Variants in ACOT11 observed in about 807,000 individuals in gnomAD.
The protein encoded by ACOT11 is acyl-CoA thioesterase 11, also known as acyl-coenzyme A thioesterase 11.
In ACOT11, 69 loss-of-function variants were observed where a neutral mutation model predicts 77.5. The ratio of observed to expected loss-of-function variants is 0.89; its 90% CI spans 0.73 to 1.09. The LOEUF (loss-of-function observed/expected upper bound fraction) is 1.09. Ranked by LOEUF, ACOT11 falls within the 50% of genes least tolerant of loss-of-function variation. ACOT11 has a pLI of 0.00. For synonymous variants in ACOT11, 279 were observed against 313.0 expected (o/e 0.89, Z 1.15); for missense variants, 766 against 813.7 (o/e 0.94, Z 0.71).
intron 1 of ACOT11, among the ~76,000 whole-genome samples, chr1:54,568,403 T>G (rs188132662): frequency 6.9e-6 from 1 of 145,958 alleles, no homozygotes; most frequent in Admixed American, 6.8e-5. Context: ...TTGTTCTTGT[T>G]GCCCAGGCTG....
Position 54,601,323 on chromosome 1 carries a change from G to T in ACOT11, c.939G>T (p.Arg313=). The change falls in exon 9 of 16, where the codon CGG becomes CGT. Residue 313 remains arginine (R), a synonymous_variant. Transcript: ENST00000343744. ...ATCGCCAGGAGGCTGAGACCCACCG[G>T]CGCCACATCAACAGTGCCTTTATGA... The part of the protein sequence containing the change: ...EAYRQEAETH[R]RHINSAFMTF... 1 of 1,613,452 alleles carries T rather than the reference G, an allele frequency of 6.2e-7. No individual in the cohort carries two copies. Among genetic ancestry groups the T allele is most frequent in the African/African-American group, 1.3e-5 (1 of 75,042 alleles).
Position 54,609,093 on chromosome 1 carries a change from C to T in ACOT11, c.1766C>T (p.Pro589Leu). Reference protein sequence around the residue: ...FLLDNRNDLAPSLQTL With the variant: ...FLLDNRNDLALSLQTL ...TTGGACAACCGGAATGATCTGGCCCCCAGCCTCCAGACCCTCTAGATGCCC... is the reference window on the plus strand; with the variant it reads ...TTGGACAACCGGAATGATCTGGCCCTCAGCCTCCAGACCCTCTAGATGCCC... Residue 589 changes from proline (P) to leucine (L), a missense_variant, in exon 16 of 16, where the codon CCC (proline) becomes CTC (leucine). Physicochemically the swap from Pro to Leu is moderately conservative, Grantham distance 98 (BLOSUM62 -3). Transcript: ENST00000343744. 4 of 1,614,138 alleles carry T rather than the reference C, an allele frequency of 2.5e-6. No individual in the cohort carries two copies. The highest frequency in any genetic ancestry group is 2.5e-6 in the Non-Finnish European group (3 of 1,180,014).
intron 1 of ACOT11, among the ~76,000 whole-genome samples, chr1:54,557,323 C>T (rs980918416): frequency 1.8e-4 from 25 of 141,736 alleles, no homozygotes; most frequent in African/African-American, 1.3e-4. Flanking sequence ...ACCCGGGAGG[C>T]GGAGGTTGCA....
chr1:54,559,293 G>A (rs72901633), intron 1 of ACOT11, among the ~76,000 whole-genome samples: 6,171 of 151,356 alleles, frequency 0.041, 391 homozygotes, highest in African/African-American at 0.14. Flanking sequence ...GCCCCAGGCT[G>A]AGCTGACCCC....
At chr1:54,605,642 C>T (rs995608280) in intron 13 of ACOT11, among the ~76,000 whole-genome samples, 1 of 152,040 alleles carries the variant, frequency 6.6e-6, no homozygotes, top group African/African-American at 2.4e-5. Context: ...GAAGGGTGAT[C>T]GGGACATAGC....
At chr1:54,596,154 T>G (rs1304271169) in intron 6 of ACOT11, among the ~76,000 whole-genome samples, 2 of 152,096 alleles carry the variant, frequency 1.3e-5, no homozygotes, top group Non-Finnish European at 2.9e-5. Context: ...CACTGGGTAC[T>G]GTCTCTTGAC....
exon 17 of ACOT11, chr1:54,634,844 A>G: frequency 3.3e-6 from 2 of 613,522 alleles, no homozygotes; most frequent in East Asian, 5.7e-5. Context: ...CATGAGCAAC[A>G]CCCGTCGAAC....
At chr1:54,588,441 C>T (rs995749764) in intron 3 of ACOT11, among the ~76,000 whole-genome samples, 1 of 152,158 alleles carries the variant, frequency 6.6e-6, no homozygotes, top group African/African-American at 2.4e-5. Flanking sequence ...AACTGAGGCA[C>T]AGAGAAATGA....
chr1:54,566,022 A>G (rs1653718841), intron 1 of ACOT11, among the ~76,000 whole-genome samples: 2 of 152,012 alleles, frequency 1.3e-5, no homozygotes, highest in South Asian at 2.1e-4. Context: ...TTGTTTCCCC[A>G]TCTGCCTTGA....
At chr1:54,636,383 T>C (rs1644330762) in exon 17 of ACOT11, 1 of 152,222 alleles carries the variant, frequency 6.6e-6, no homozygotes, top group Non-Finnish European at 1.5e-5. Context: ...CTCTGCATCA[T>C]AAACAAGGTA....
At chr1:54,587,930 C>A (rs367674922) in intron 3 of ACOT11, among the ~76,000 whole-genome samples, 2 of 151,964 alleles carry the variant, frequency 1.3e-5, no homozygotes, top group African/African-American at 4.8e-5. Context: ...AAAGATAGTA[C>A]AAGGCCGGGC....
Position 54,609,282 on chromosome 1 carries a change from C to A in ACOT11, c.*170C>A, listed in dbSNP as rs761175244. On this transcript the variant is annotated 3_prime_UTR_variant, in exon 16 of 16. Transcript: ENST00000343744. ...CCCCTGGGTGCTCAGTTTCTACCAA[C>A]ATGAGCCAGCAAGTCCTTGTGGTAG... 2.5e-6 allele frequency: 4 copies of A among 1,605,518 alleles called. No individual in the cohort carries two copies. The South Asian group carries it at 3.3e-5, about 13-fold the overall frequency.
At chr1:54,565,506 G>A (rs898982284) in intron 1 of ACOT11, among the ~76,000 whole-genome samples, 1 of 152,118 alleles carries the variant, frequency 6.6e-6, no homozygotes, top group African/African-American at 2.4e-5. Flanking sequence ...TCTCCCCTTT[G>A]CCTTTTACTG....
chr1:54,561,702 C>G (rs1185279860), intron 1 of ACOT11, among the ~76,000 whole-genome samples: 1 of 132,476 alleles, frequency 7.5e-6, no homozygotes. Context: ...CCCCTCACCT[C>G]CCGGACGGGG....
intron 15 of ACOT11, chr1:54,623,234 C>T (rs373739721): frequency 1.7e-5 from 23 of 1,326,028 alleles, no homozygotes; most frequent in African/African-American, 1.6e-4. Flanking sequence ...AAGGAGCGAG[C>T]GATGAGGGAA....
intron 3 of ACOT11, among the ~76,000 whole-genome samples, chr1:54,587,029 C>T (rs979418212): frequency 6.6e-6 from 1 of 152,204 alleles, no homozygotes; most frequent in Non-Finnish European, 1.5e-5. Context: ...TCCCTGTACT[C>T]ACTCATTCAG....
intron 1 of ACOT11, among the ~76,000 whole-genome samples, chr1:54,552,371 T>C (rs1321677557): frequency 6.6e-6 from 1 of 152,138 alleles, no homozygotes; most frequent in Non-Finnish European, 1.5e-5. Flanking sequence ...GCTGAGGTGG[T>C]CCTAGAAGGC....
chr1:54,607,812 T>C lies in ACOT11; in HGVS notation c.1503-130T>C, dbSNP rs763290003. The C allele has an allele frequency of 7.2e-6, 9 of 1,253,028 alleles. No homozygotes were observed. Among genetic ancestry groups the C allele is most frequent in the South Asian group, 1.4e-5 (1 of 70,186 alleles). The allele number at this position is 1,253,028 out of a possible 1,614,324, so 77.6% of individuals were successfully genotyped here. On this transcript the variant is annotated intron_variant, in intron 14 of 15. Transcript: ENST00000343744. This position sits in a 1 kb window ranked among gnomAD's most constrained non-coding sequence, Gnocchi z 4.5. ...CCCGCATTGGGGCTTTAAGAGTCGA[T>C]GTGCCTTGCATCCCCCTGGTGAGGA... is the stretch of plus-strand genomic sequence containing the variant.
At chr1:54,604,292 AG>A in intron 11 of ACOT11, 53 bp from the exon 12 acceptor site, 1 of 1,550,348 alleles carries the variant, frequency 6.5e-7, no homozygotes, top group Non-Finnish European at 8.9e-7. Flanking sequence ...GCCTTGGCTC[AG>A]GGGCCCTGAA....
Sources: gnomAD v4.1 joint callset for allele counts (sites outside exome capture counted in the v4.1 genomes callset) on GRCh38, gnomAD v4.1.1 for gene constraint, Gnocchi (gnomAD v3.1) non-coding constraint, MANE v1.5 for transcripts, NCBI Gene and HGNC (gene_info 2026-07-23, HGNC 2026-07-21) for gene names.